The following SNX24 variants were observed in gnomAD, a reference collection of about 807,000 sequenced individuals.
The protein encoded by SNX24 is sorting nexin 24.
Under a neutral mutation model 28.7 loss-of-function variants are expected in SNX24, and 22 were observed. That is an observed-to-expected ratio of 0.77 (90% CI 0.55 to 1.10). The LOEUF (loss-of-function observed/expected upper bound fraction) is 1.10, where lower values mean the gene tolerates loss of function less well. Among genes scored for constraint, SNX24 ranks in the 50% least tolerant of loss-of-function variants. The pLI, the probability that SNX24 is intolerant of heterozygous loss-of-function variation, is 0.00. For synonymous variants in SNX24, 69 were observed against 71.5 expected (o/e 0.96, Z 0.18); for missense variants, 221 against 201.1 (o/e 1.10, Z -0.60).
chr5:122,943,906 C>T (rs1218013116), intron 2 of SNX24, among the ~76,000 whole-genome samples: 3 of 152,158 alleles, frequency 2.0e-5, no homozygotes, highest in Non-Finnish European at 4.4e-5. Context: ...ATTTCCACAG[C>T]TCTAATTACC....
chr5:122,852,348 CTTT>C (rs879606693), intron 1 of SNX24, among the ~76,000 whole-genome samples: 1 of 141,766 alleles, frequency 7.1e-6, no homozygotes, highest in Admixed American at 7.1e-5. Context: ...AGAATAGCTT[CTTT>C]TTTTTTTTTT....
chr5:123,008,036 G>T lies in SNX24; in HGVS notation c.*287G>T, dbSNP rs546665376. 1.5e-5 allele frequency: 16 copies of T among 1,102,918 alleles called. No homozygotes were observed. The South Asian group carries it at 4.5e-4, about 31-fold the overall frequency. 68.3% of individuals were successfully genotyped at this position (1,102,918 alleles called of 1,614,324 possible). Reference sequence around the variant, plus strand: ...AGGAGGCCACAGGAGATTCCTGGGAGCACTGGGTGTAGCAAAACAAAGCCA... The same window carrying T: ...AGGAGGCCACAGGAGATTCCTGGGATCACTGGGTGTAGCAAAACAAAGCCA... On this transcript the variant is annotated 3_prime_UTR_variant, in exon 7 of 7. Coordinates refer to ENST00000261369, the MANE Select transcript of SNX24 (RefSeq NM_014035.4).
At chr5:122,974,777 G>A (rs1324670543) in intron 3 of SNX24, among the ~76,000 whole-genome samples, 1 of 152,194 alleles carries the variant, frequency 6.6e-6, no homozygotes, top group Non-Finnish European at 1.5e-5. Flanking sequence ...TCCCTCCAGG[G>A]ATGTGATGTT....
chr5:122,894,446 T>TA (rs1393507402), intron 1 of SNX24, among the ~76,000 whole-genome samples: 1 of 152,182 alleles, frequency 6.6e-6, no homozygotes, highest in Non-Finnish European at 1.5e-5. Context: ...CAGTATATCC[T>TA]AAAAATCACT....
chr5:122,930,603 T>A (rs1464337064), intron 1 of SNX24, among the ~76,000 whole-genome samples: 2 of 152,204 alleles, frequency 1.3e-5, no homozygotes, highest in Admixed American at 6.5e-5. Flanking sequence ...ATATAAACCC[T>A]TTTGATCTTT....
intron 3 of SNX24, among the ~76,000 whole-genome samples, chr5:122,990,123 A>T (rs1024753189): frequency 2.0e-5 from 3 of 152,178 alleles, no homozygotes; most frequent in Non-Finnish European, 4.4e-5. Flanking sequence ...CACAAGGGCC[A>T]CTTTTCATAC....
rs542787456 is a variant in SNX24, at chr5:122,933,030, C to T, written c.61-3704C>T. Among the ~76,000 whole-genome samples, 6 of 152,080 alleles carry T rather than the reference C, an allele frequency of 3.9e-5. No individual in the cohort carries two copies. In the South Asian group the frequency reaches 1.2e-3, roughly 32 times the overall value. On this transcript the variant is annotated intron_variant, in intron 1 of 6. Transcript: ENST00000261369. ...GGTAATTTATCTTTTGTTAATTTTA[C>T]CTTGTTGGGTTCTAGATATTTTTAT...
intron 3 of SNX24, among the ~76,000 whole-genome samples, chr5:122,987,848 A>G (rs1300404828): frequency 3.3e-5 from 5 of 152,336 alleles, no homozygotes; most frequent in Admixed American, 2.0e-4. Flanking sequence ...ATGAGTTTGC[A>G]TACCAAGTCT....
intron 1 of SNX24, among the ~76,000 whole-genome samples, chr5:122,875,675 C>G (rs982447287): frequency 7.2e-5 from 11 of 152,212 alleles, no homozygotes; most frequent in African/African-American, 2.2e-4. Context: ...GTGGCAGAAA[C>G]CACAATTACT....
At chr5:122,929,366 TTA>T (rs1758848414) in intron 1 of SNX24, among the ~76,000 whole-genome samples, 1 of 152,198 alleles carries the variant, frequency 6.6e-6, no homozygotes, top group South Asian at 2.1e-4. Context: ...CCCTCTCTTA[TTA>T]AAAAACTGTT....
At chr5:122,852,637 C>G (rs1299635747) in intron 1 of SNX24, among the ~76,000 whole-genome samples, 1 of 152,102 alleles carries the variant, frequency 6.6e-6, no homozygotes, top group African/African-American at 2.4e-5. Flanking sequence ...GCCACCATGC[C>G]CAGCCGCATT....
downstream of SNX24, among the ~76,000 whole-genome samples, chr5:123,010,334 A>T (rs1762549218): frequency 6.6e-6 from 1 of 150,918 alleles, no homozygotes. Context: ...TCTGTTGCCC[A>T]GGCTGGAGTG....
At chr5:122,873,274 AGAGTTT>A (rs1756066805) in intron 1 of SNX24, among the ~76,000 whole-genome samples, 2 of 152,082 alleles carry the variant, frequency 1.3e-5, no homozygotes, top group African/African-American at 2.4e-5. Flanking sequence ...TACCCAGTCC[AGAGTTT>A]TGTTTTTGAA....
chr5:122,920,171 G>T (rs1758371548), intron 1 of SNX24, among the ~76,000 whole-genome samples: 1 of 152,196 alleles, frequency 6.6e-6, no homozygotes, highest in Non-Finnish European at 1.5e-5. Context: ...GGATGAGAAG[G>T]CATGTGAAAT....
chr5:122,904,816 T>A (rs78021298), intron 1 of SNX24, among the ~76,000 whole-genome samples: 9,978 of 152,256 alleles, frequency 0.066, 457 homozygotes, highest in Non-Finnish European at 0.098. Flanking sequence ...GGCTTTCACT[T>A]AAACTCCATG....
rs115157338 is a variant in SNX24 at position 123,020,138 on chromosome 5, T to C, written n.384-9100T>C. 8.3e-3 allele frequency among the ~76,000 whole-genome samples: 1,265 copies of C among 152,372 alleles called. 18 individuals carry two copies. Among genetic ancestry groups the C allele is most frequent in the African/African-American group, 0.029 (1,200 of 41,592 alleles). On this transcript the variant is annotated intron_variant and non_coding_transcript_variant, in intron 5 of 5. Transcript: ENST00000502387. Reference sequence around the variant, plus strand: ...TCCTTCTGCATGGGGGAGAGTGGTGTCTATGTGCTCTTGGACATTGTGATG... The same window carrying C: ...TCCTTCTGCATGGGGGAGAGTGGTGCCTATGTGCTCTTGGACATTGTGATG...
At chr5:122,921,783 G>A (rs568001001) in intron 1 of SNX24, among the ~76,000 whole-genome samples, 1 of 152,086 alleles carries the variant, frequency 6.6e-6, no homozygotes, top group African/African-American at 2.4e-5. Flanking sequence ...TATTACTAAG[G>A]GAAAGCAACC....
chr5:122,865,163 C>T (rs555151508), intron 1 of SNX24, among the ~76,000 whole-genome samples: 8 of 152,238 alleles, frequency 5.3e-5, no homozygotes, highest in African/African-American at 1.7e-4. Context: ...AATGTTTGAC[C>T]AAATATCTGG....
chr5:122,880,192 G>C (rs1031203011), intron 1 of SNX24, among the ~76,000 whole-genome samples: 3 of 152,208 alleles, frequency 2.0e-5, no homozygotes, highest in Non-Finnish European at 4.4e-5. Flanking sequence ...TAGAATGGGA[G>C]ATATACTCTT....
Sources: allele counts gnomAD v4.1 joint callset (sites outside exome capture counted in the v4.1 genomes callset), GRCh38; gene constraint gnomAD v4.1.1; transcripts MANE v1.5; gene names NCBI Gene and HGNC (gene_info 2026-07-23, HGNC 2026-07-21).